NRP1: variants seen among roughly 807,000 people sequenced by gnomAD.
The protein encoded by NRP1 is neuropilin-1.
A neutral mutation model predicts 106.7 loss-of-function variants in NRP1; 35 were observed. The observed-to-expected ratio is 0.33, with a 90% CI of 0.25 to 0.43. NRP1 has a LOEUF of 0.43. Ranked by LOEUF, NRP1 falls within the 20% of genes least tolerant of loss-of-function variation. The probability of loss-of-function intolerance (pLI) is 1.00; values close to 1 mark genes in which losing one functional copy is unlikely to be tolerated. For missense variants in NRP1, 1,024 were observed against 1,170.4 expected (o/e 0.87, Z 1.83); for synonymous variants, 437 against 417.9 (o/e 1.05, Z -0.56).
chr10:33,197,382 C>T (rs1048582498), intron 12 of NRP1, among the ~76,000 whole-genome samples: 1 of 152,148 alleles, frequency 6.6e-6, no homozygotes, highest in African/African-American at 2.4e-5. Flanking sequence ...AGATGTGCTG[C>T]GTTTAAACAA....
chr10:33,185,462 T>G (rs574943074), intron 15 of NRP1, among the ~76,000 whole-genome samples, 166 bp downstream of exon 15: 1 of 152,306 alleles, frequency 6.6e-6, no homozygotes, highest in Non-Finnish European at 1.5e-5. Flanking sequence ...ACAGGTAAAT[T>G]GGGCTGATTG....
chr10:33,235,795 TATG>T (rs1377992208), intron 6 of NRP1, among the ~76,000 whole-genome samples: 3 of 152,238 alleles, frequency 2.0e-5, no homozygotes, highest in Non-Finnish European at 2.9e-5. Flanking sequence ...TTGAAACTCT[TATG>T]TAGAGTCAAA....
At chr10:33,207,779 C>T in intron 9 of NRP1, 63 bp from the exon 10 acceptor site, 1 of 1,570,634 alleles carries the variant, frequency 6.4e-7, no homozygotes, top group Non-Finnish European at 8.7e-7. Flanking sequence ...CTTTTAGCAA[C>T]TGTTTCTTCC....
intron 2 of NRP1, among the ~76,000 whole-genome samples, chr10:33,313,991 C>T (rs1391890294): frequency 1.3e-5 from 2 of 148,936 alleles, no homozygotes; most frequent in African/African-American, 4.9e-5. Context: ...CTTTCCCTCC[C>T]TCCCTCCTTT....
rs1838491484 is a variant in NRP1, at chr10:33,213,493, C to A, written c.1507G>T (p.Gly503Trp). ...AACACCTTGTTCTCTCGGTGCTTCCCACCCTGAATGATGATGCCCCTCACG... is the reference window on the plus strand; with the variant it reads ...AACACCTTGTTCTCTCGGTGCTTCCAACCCTGAATGATGATGCCCCTCACG... ...KIVRGIIIQG[G>W]KHRENKVFMR... The change falls in exon 9 of 17, where the codon GGG becomes TGG. Residue 503 changes from glycine (G) to tryptophan (W), a missense_variant. By Grantham distance (184) the Gly-to-Trp change is radical. Coordinates refer to ENST00000374867, the MANE Select transcript of NRP1 (RefSeq NM_003873.7). 3.7e-6 allele frequency: 6 copies of A among 1,614,084 alleles called. No individual in the cohort carries two copies. Among genetic ancestry groups the A allele is most frequent in the Non-Finnish European group, 5.1e-6 (6 of 1,180,030 alleles).
intron 6 of NRP1, among the ~76,000 whole-genome samples, chr10:33,230,592 C>CAT (rs1174107198): frequency 7.2e-5 from 9 of 125,274 alleles, no homozygotes; most frequent in Non-Finnish European, 1.1e-4. Flanking sequence ...ATTAGTTTCT[C>CAT]ATATATGTGT....
intron 10 of NRP1, among the ~76,000 whole-genome samples, chr10:33,203,235 A>G (rs563164139): frequency 6.6e-6 from 1 of 152,338 alleles, no homozygotes; most frequent in African/African-American, 2.4e-5. Context: ...CTGCCTTAGC[A>G]TTTTATACAT....
At chr10:33,227,784 G>C (rs905643129) in intron 6 of NRP1, among the ~76,000 whole-genome samples, 8 of 152,214 alleles carry the variant, frequency 5.3e-5, no homozygotes, top group Non-Finnish European at 8.8e-5. Flanking sequence ...GAGTGGGAAG[G>C]AATGGATTTA....
chr10:33,291,068 T>C (rs761409393), intron 2 of NRP1, among the ~76,000 whole-genome samples: 1 of 152,186 alleles, frequency 6.6e-6, no homozygotes, highest in Non-Finnish European at 1.5e-5. Flanking sequence ...GAAAAATCAT[T>C]GGGTGCTTTT....
intron 8 of NRP1, among the ~76,000 whole-genome samples, chr10:33,218,349 T>G (rs1012604193): frequency 6.6e-6 from 1 of 151,702 alleles, no homozygotes; most frequent in Non-Finnish European, 1.5e-5. Flanking sequence ...TTTCTTTTTT[T>G]TTTTTTTGAG....
In NRP1 at chr10:33,213,302, A is replaced by C. The variant is rs767062812; in HGVS notation, c.1614+84T>G. 2.5e-6 allele frequency: 4 copies of C among 1,613,980 alleles called. No individual in the cohort carries two copies. The African/African-American group carries it at 4.0e-5, about 16-fold the overall frequency. ...ATGTCATGGCTGGAAGGAAATAAGA[A>C]GCCCTTCCTCGGGAGAATGCCAGAG... On this transcript the variant is annotated intron_variant, in intron 9 of 16. Transcript: ENST00000374867.
rs1231074968 is a variant in NRP1, at chr10:33,207,755, A to AT, written c.1615-40_1615-39insA. 21 of 1,455,194 alleles carry AT rather than the reference A, an allele frequency of 1.4e-5. No individual in the cohort carries two copies. The African/African-American group carries it at 2.5e-4, about 17-fold the overall frequency. 90.1% of individuals were successfully genotyped at this position (1,455,194 alleles called of 1,614,324 possible). A position where few individuals can be genotyped will look rare whatever the true frequency, so the allele number is the denominator to read the frequency against. ...AAAACACAGGGCATTAAGGAAAAAA[A>AT]AAAACAGAGCTCCCTTTTAGCAACT... is the stretch of plus-strand genomic sequence containing the variant. On this transcript the variant is annotated intron_variant, in intron 9 of 16. Coordinates refer to ENST00000374867, the MANE Select transcript of NRP1 (RefSeq NM_003873.7).
chr10:33,191,197 A>G (rs180934561), intron 13 of NRP1, among the ~76,000 whole-genome samples: 7 of 152,232 alleles, frequency 4.6e-5, no homozygotes, highest in Admixed American at 3.9e-4. Flanking sequence ...GGGCAGTGAA[A>G]TGACTAGGTG....
At chr10:33,183,834 T>C (rs1835839264) in intron 15 of NRP1, among the ~76,000 whole-genome samples, 1 of 152,206 alleles carries the variant, frequency 6.6e-6, no homozygotes. Context: ...ACACATATTT[T>C]TATTGGTAGC....
At chr10:33,279,154 C>T (rs1347469671) in intron 2 of NRP1, among the ~76,000 whole-genome samples, 2 of 152,208 alleles carry the variant, frequency 1.3e-5, no homozygotes, top group East Asian at 3.8e-4. Context: ...TAGTGTACTG[C>T]TGGTTTCCTA....
At chr10:33,215,480 G>A (rs1347253394) in intron 8 of NRP1, among the ~76,000 whole-genome samples, 1 of 152,200 alleles carries the variant, frequency 6.6e-6, no homozygotes, top group Admixed American at 6.5e-5. Flanking sequence ...CACAAGGAGA[G>A]TATCAGTTGT....
chr10:33,197,680 G>A lies in NRP1; in HGVS notation c.1894C>T (p.Pro632Ser), dbSNP rs1836884281. The A allele has an allele frequency of 6.2e-6, 10 of 1,605,384 alleles. No homozygotes were observed. The East Asian group carries it at 2.0e-4, about 32-fold the overall frequency. ...GGTTVLATEK[P>S]TVIDSTIQSE... ...TGTATGGTGCTGTCTATGACCGTGG[G>A]CTTTTCTGTGGCCAGCACAGTGGTG... The change falls in exon 12 of 17, where the codon CCC (proline) becomes TCC (serine). Residue 632 changes from proline to serine, a missense_variant. Physicochemically the swap from Pro to Ser is moderately conservative, Grantham distance 74. This residue lies in a region of NRP1 where 562 missense variants were observed against 620.3 expected (regional missense o/e 0.91). Coordinates refer to ENST00000374867, the MANE Select transcript of NRP1 (RefSeq NM_003873.7).
chr10:33,263,509 A>G (rs566951804), intron 4 of NRP1, 137 bp downstream of exon 4: 1 of 621,062 alleles, frequency 1.6e-6, no homozygotes, highest in African/African-American at 1.8e-5. Flanking sequence ...TGCTCTGAAT[A>G]TAGAGAGTTT....
intron 6 of NRP1, among the ~76,000 whole-genome samples, chr10:33,244,666 T>C (rs1209360963): frequency 6.6e-6 from 1 of 152,166 alleles, no homozygotes; most frequent in African/African-American, 2.4e-5. Flanking sequence ...ATCTTTCCCA[T>C]GAAAAGATAA....
Sources: gnomAD v4.1 joint callset for allele counts (sites outside exome capture counted in the v4.1 genomes callset) on GRCh38, gnomAD v4.1.1 for gene constraint, gnomAD v4.1.1 regional missense constraint, MANE v1.5 for transcripts, NCBI Gene and HGNC (gene_info 2026-07-23, HGNC 2026-07-21) for gene names.